ADAM23: variants seen among roughly 807,000 people sequenced by gnomAD.
ADAM23 encodes ADAM metallopeptidase domain 23, also known as disintegrin and metalloproteinase domain-containing protein 23.
ADAM23 carries 33 observed loss-of-function variants against 120.1 expected under a neutral mutation model. The ratio of observed to expected loss-of-function variants is 0.27; its 90% CI spans 0.21 to 0.37. ADAM23 has a LOEUF of 0.37. ADAM23 is among the 10% of genes least tolerant of loss of function. ADAM23 has a pLI of 1.00. For missense variants in ADAM23, 862 were observed against 1,058.2 expected (o/e 0.81, Z 2.57); for synonymous variants, 367 against 375.2 (o/e 0.98, Z 0.25).
At chr2:206,498,148 T>C (rs1696298145) in intron 3 of ADAM23, among the ~76,000 whole-genome samples, 1 of 152,150 alleles carries the variant, frequency 6.6e-6, no homozygotes, top group Non-Finnish European at 1.5e-5. Flanking sequence ...TGGAAAAAAC[T>C]ACTTTAAAGT....
At chr2:206,470,552 G>A (rs1695635590) in intron 2 of ADAM23, among the ~76,000 whole-genome samples, 1 of 152,204 alleles carries the variant, frequency 6.6e-6, no homozygotes, top group Admixed American at 6.5e-5. Context: ...GGTAAAGTAT[G>A]TGTAGTACAC....
At chr2:206,517,928 T>C (rs1489106395) in intron 3 of ADAM23, among the ~76,000 whole-genome samples, 1 of 152,204 alleles carries the variant, frequency 6.6e-6, no homozygotes, top group Non-Finnish European at 1.5e-5. Context: ...CTAAATAGAA[T>C]AGTTTCTCTC....
intron 17 of ADAM23, 145 bp from the exon 18 acceptor site, chr2:206,572,970 T>C (rs1328630649): frequency 4.0e-6 from 3 of 749,366 alleles, no homozygotes; most frequent in Non-Finnish European, 6.9e-6. Flanking sequence ...TATTCTGCAA[T>C]AGGATATTCT....
intron 3 of ADAM23, among the ~76,000 whole-genome samples, chr2:206,515,406 G>A (rs1278506960): frequency 6.6e-6 from 1 of 152,012 alleles, no homozygotes; most frequent in East Asian, 1.9e-4. Flanking sequence ...GCTTTGTTGT[G>A]GTGGCACGCT....
At chr2:206,602,673 A>G (rs954329607) in intron 24 of ADAM23, among the ~76,000 whole-genome samples, 1 of 152,156 alleles carries the variant, frequency 6.6e-6, no homozygotes, top group Admixed American at 6.5e-5. Flanking sequence ...AAGGAAAAAA[A>G]CCCACTCAAT....
At chr2:206,497,906 G>A (rs1185288132) in intron 3 of ADAM23, among the ~76,000 whole-genome samples, 1 of 152,114 alleles carries the variant, frequency 6.6e-6, no homozygotes, top group Non-Finnish European at 1.5e-5. Flanking sequence ...ATTCACAATT[G>A]CTTCAAAGAG....
chr2:206,604,783 GT>G (rs1263591052), intron 24 of ADAM23, among the ~76,000 whole-genome samples: 1 of 152,100 alleles, frequency 6.6e-6, no homozygotes, highest in African/African-American at 2.4e-5. Flanking sequence ...GTGGATCTTT[GT>G]TTCGTTTCAC....
Position 206,548,355 on chromosome 2 carries a change from G to T in ADAM23, c.867+1G>T. On this transcript the variant is annotated splice_donor_variant, in intron 8 of 25. Coordinates refer to ENST00000264377, the MANE Select transcript of ADAM23 (RefSeq NM_003812.4). LOFTEE classifies it high-confidence loss of function. ...GAAAAGAAGGAAGAGAGCAGTGAAT[G>T]TGAGTGTGGCATTGAGCCTTGGGTG... The T allele has an allele frequency of 1.2e-6, 2 of 1,607,914 alleles. No individual in the cohort carries two copies. The highest frequency in any genetic ancestry group is 8.5e-7 in the Non-Finnish European group (1 of 1,179,848).
At chr2:206,528,059 A>G (rs1696976730) in intron 3 of ADAM23, among the ~76,000 whole-genome samples, 1 of 152,196 alleles carries the variant, frequency 6.6e-6, no homozygotes, top group Admixed American at 6.5e-5. Context: ...TGCCCTTGTA[A>G]TTACAGGCAA....
intron 3 of ADAM23, among the ~76,000 whole-genome samples, chr2:206,519,643 A>G (rs1480268697): frequency 6.6e-6 from 1 of 152,194 alleles, no homozygotes; most frequent in African/African-American, 2.4e-5. Context: ...CTTATCTACC[A>G]TACTGGTTTG....
At chr2:206,567,640 GA>G (rs1187197113) in intron 15 of ADAM23, among the ~76,000 whole-genome samples, 1 of 152,148 alleles carries the variant, frequency 6.6e-6, no homozygotes, top group Admixed American at 6.5e-5. Flanking sequence ...CTGCTGCTAA[GA>G]GATGGTGGGT....
At chr2:206,534,519 C>T (rs1262784799) in intron 4 of ADAM23, among the ~76,000 whole-genome samples, 1 of 151,894 alleles carries the variant, frequency 6.6e-6, no homozygotes, top group African/African-American at 2.4e-5. Flanking sequence ...AAGATCCACC[C>T]TCTTAGCATG....
In ADAM23 at chr2:206,546,716, C is replaced by G. The variant is rs967626530; in HGVS notation, c.721-713C>G. Among the ~76,000 whole-genome samples the G allele has an allele frequency of 6.6e-5, 10 of 152,196 alleles. No individual in the cohort carries two copies. The East Asian group carries it at 1.7e-3, about 26-fold the overall frequency. On this transcript the variant is annotated intron_variant, in intron 6 of 25. Coordinates refer to ENST00000264377, the MANE Select transcript of ADAM23 (RefSeq NM_003812.4). ...ATAATTTTAAGACAATGATGTATCT[C>G]CCTGAGCCTCAATATCTTTATTTGT... is the stretch of plus-strand genomic sequence containing the variant.
chr2:206,479,140 A>G (rs534096245), intron 2 of ADAM23, among the ~76,000 whole-genome samples: 4 of 152,372 alleles, frequency 2.6e-5, no homozygotes, highest in East Asian at 1.9e-4. Context: ...ATTAAATTCT[A>G]TTAAACTGAA....
chr2:206,571,319 C>G (rs1377278482), intron 16 of ADAM23, among the ~76,000 whole-genome samples: 2 of 151,014 alleles, frequency 1.3e-5, no homozygotes, highest in Non-Finnish European at 1.5e-5. Flanking sequence ...ACTAAAAATA[C>G]AAAAAATTAG....
intron 2 of ADAM23, among the ~76,000 whole-genome samples, chr2:206,469,616 CA>C (rs1477811071): frequency 6.6e-6 from 1 of 152,212 alleles, no homozygotes; most frequent in Non-Finnish European, 1.5e-5. Flanking sequence ...TATCATTCCT[CA>C]CTCAAAATTC....
intron 9 of ADAM23, among the ~76,000 whole-genome samples, chr2:206,557,064 T>TA (rs1023084822): frequency 2.9e-4 from 44 of 152,296 alleles, no homozygotes; most frequent in African/African-American, 1.1e-3. Flanking sequence ...TCCTTACTAT[T>TA]ATTCAGAACA....
At chr2:206,587,199 G>T in intron 18 of ADAM23, 126 bp from the exon 19 acceptor site, 1 of 609,844 alleles carries the variant, frequency 1.6e-6, no homozygotes. Context: ...TATTTAAGGA[G>T]TTGCATGTGT....
intron 18 of ADAM23, among the ~76,000 whole-genome samples, chr2:206,586,055 G>C (rs1698315565): frequency 6.6e-6 from 1 of 152,174 alleles, no homozygotes; most frequent in African/African-American, 2.4e-5. Context: ...GCGACAACGG[G>C]AAAGCAAAGG....
Sources: allele counts gnomAD v4.1 joint callset (sites outside exome capture counted in the v4.1 genomes callset), GRCh38; gene constraint gnomAD v4.1.1; transcripts MANE v1.5; gene names NCBI Gene and HGNC (gene_info 2026-07-23, HGNC 2026-07-21).